The following APBB2 variants were observed in gnomAD, a reference collection of about 807,000 sequenced individuals.
The protein encoded by APBB2 is amyloid beta precursor protein binding family B member 2.
Under a neutral mutation model 82.5 loss-of-function variants are expected in APBB2, and 38 were observed. That is an observed-to-expected ratio of 0.46 (90% CI 0.36 to 0.60). The LOEUF is 0.60. APBB2 is among the 20% of genes least tolerant of loss of function. The pLI, the probability that APBB2 is intolerant of heterozygous loss-of-function variation, is 0.00. For synonymous variants in APBB2, 341 were observed against 368.2 expected, an observed-to-expected ratio of 0.93 and a Z score of 0.85; for missense variants, 772 against 972.3, an observed-to-expected ratio of 0.79 and a Z score of 2.74.
intron 1 of APBB2, among the ~76,000 whole-genome samples, chr4:41,196,481 T>C: frequency 1.3e-5 from 2 of 152,196 alleles, no homozygotes; most frequent in East Asian, 3.8e-4. Flanking sequence ...ATCACCATTT[T>C]GCTGTTTTTG....
chr4:40,937,653 T>C (rs1304249359), intron 7 of APBB2, among the ~76,000 whole-genome samples: 1 of 152,222 alleles, frequency 6.6e-6, no homozygotes, highest in Non-Finnish European at 1.5e-5. Flanking sequence ...GTGTTATGAC[T>C]GGGCCAAAGA....
At chr4:41,158,693 G>A (rs765299299) in intron 1 of APBB2, among the ~76,000 whole-genome samples, 44 of 152,202 alleles carry the variant, frequency 2.9e-4, no homozygotes, top group Non-Finnish European at 5.9e-4. Context: ...CAACCTGTAT[G>A]CTGCTGCCTG....
intron 2 of APBB2, among the ~76,000 whole-genome samples, chr4:41,106,037 GA>G (rs1441994882): frequency 2.6e-5 from 4 of 151,952 alleles, no homozygotes; most frequent in Admixed American, 6.6e-5. Context: ...ACCTTACACT[GA>G]CTCTGAAAAT....
intron 3 of APBB2, among the ~76,000 whole-genome samples, chr4:41,092,079 T>C (rs536253569): frequency 1.3e-5 from 2 of 152,314 alleles, no homozygotes; most frequent in East Asian, 3.9e-4. Flanking sequence ...GCCATCAAAA[T>C]CTAATTTGCC....
intron 2 of APBB2, among the ~76,000 whole-genome samples, chr4:41,116,303 G>A (rs1258145310): frequency 2.0e-5 from 3 of 152,130 alleles, no homozygotes; most frequent in South Asian, 2.1e-4. Context: ...ATCACACACC[G>A]GGGCCTGTCG....
chr4:41,092,510 G>A (rs1742083076), intron 3 of APBB2, among the ~76,000 whole-genome samples: 1 of 152,058 alleles, frequency 6.6e-6, no homozygotes, highest in African/African-American at 2.4e-5. Flanking sequence ...CCAACATAGT[G>A]AAACCTCGTC....
intron 6 of APBB2, among the ~76,000 whole-genome samples, chr4:40,952,788 T>C (rs1166233507): frequency 6.6e-6 from 1 of 152,160 alleles, no homozygotes; most frequent in African/African-American, 2.4e-5. Context: ...CCCGCTGGGA[T>C]GTTATAAAAG....
At chr4:40,950,822 G>A (rs1442724055) in intron 6 of APBB2, among the ~76,000 whole-genome samples, 1 of 151,178 alleles carries the variant, frequency 6.6e-6, no homozygotes, top group Non-Finnish European at 1.5e-5. Flanking sequence ...CAACTTGGGT[G>A]ACAGAGCAAG....
chr4:41,070,862 C>T (rs1733627733), intron 3 of APBB2, among the ~76,000 whole-genome samples: 1 of 152,112 alleles, frequency 6.6e-6, no homozygotes, highest in East Asian at 1.9e-4. Context: ...TAAATATACG[C>T]TATTCACTTG....
At chr4:40,833,387 GGT>G (rs1560641526) in intron 12 of APBB2, among the ~76,000 whole-genome samples, 2 of 152,128 alleles carry the variant, frequency 1.3e-5, no homozygotes. Context: ...CGCTCGTAGT[GGT>G]GTCTTCCCTC....
chr4:41,018,583 TCTG>T (rs1366086255), intron 5 of APBB2, among the ~76,000 whole-genome samples: 1 of 152,176 alleles, frequency 6.6e-6, no homozygotes, highest in Non-Finnish European at 1.5e-5. Flanking sequence ...ATGTGTATAT[TCTG>T]AGTGTGTGTG....
At chr4:41,030,882 G>C (rs532211122) in intron 5 of APBB2, among the ~76,000 whole-genome samples, 1 of 138,968 alleles carries the variant, frequency 7.2e-6, no homozygotes, top group Admixed American at 6.9e-5. Context: ...CTCCTGAGCT[G>C]AATCGTGAAG....
chr4:40,958,837 C>A (rs1268357366), intron 6 of APBB2, among the ~76,000 whole-genome samples: 1 of 152,214 alleles, frequency 6.6e-6, no homozygotes, highest in South Asian at 2.1e-4. Context: ...AACTCCTGAC[C>A]TCAAGTGATC....
chr4:41,133,924 G>T (rs1163516039), intron 2 of APBB2, among the ~76,000 whole-genome samples: 1 of 152,118 alleles, frequency 6.6e-6, no homozygotes, highest in Non-Finnish European at 1.5e-5. Flanking sequence ...CAAGTTCATG[G>T]AGTAGATGGC....
At chr4:41,196,045 G>A in intron 1 of APBB2, among the ~76,000 whole-genome samples, 2 of 151,962 alleles carry the variant, frequency 1.3e-5, no homozygotes, top group Admixed American at 6.5e-5. Flanking sequence ...TGTAGTCCCA[G>A]CTACTTGGGA....
At position 41,143,147 on chromosome 4, in the gene APBB2, G is replaced by T. The variant is rs932237827; in HGVS notation, c.-416-5C>A. ...CTCACCCACAGCAACTCCAACCTGG[G>T]GGGGCAAAGGCCAGAAGCCATTATA... On this transcript the variant is annotated splice_polypyrimidine_tract_variant and splice_region_variant and intron_variant, in intron 1 of 17. Coordinates refer to ENST00000508593, the MANE Select transcript of APBB2 (RefSeq NM_004307.2). 6.6e-6 allele frequency: 1 copy of T among 152,266 alleles called. No individual in the cohort carries two copies. The highest frequency in any genetic ancestry group is 6.5e-5 in the Admixed American group (1 of 15,276). 9.4% of individuals were successfully genotyped at this position (152,266 alleles called of 1,614,324 possible).
chr4:40,925,086 C>G lies in APBB2; in HGVS notation c.1254+9370G>C, dbSNP rs1782277073. ...CTTCTGGGAAACCACCCGAGCCACC[C>G]CTTTCAACCAGCCATGGAATATGCC... On this transcript the variant is annotated intron_variant, in intron 10 of 17. Coordinates refer to ENST00000508593, the MANE Select transcript of APBB2 (RefSeq NM_004307.2). Among the ~76,000 whole-genome samples, 4 of 152,294 alleles carry G rather than the reference C, an allele frequency of 2.6e-5. No individual in the cohort carries two copies. The South Asian group carries it at 8.3e-4, about 32-fold the overall frequency.
At chr4:40,882,260 A>C (rs1768845014) in intron 12 of APBB2, among the ~76,000 whole-genome samples, 2 of 152,198 alleles carry the variant, frequency 1.3e-5, no homozygotes, top group South Asian at 4.1e-4. Context: ...GGTTGAGGGA[A>C]CAGAGGAGAG....
intron 12 of APBB2, among the ~76,000 whole-genome samples, chr4:40,851,736 ATATT>A (rs1245916743): frequency 0.046 from 3,780 of 82,328 alleles, 43 homozygotes; most frequent in South Asian, 0.06. Flanking sequence ...ATATATATAT[ATATT>A]TTTTTTTTTT....
Sources: gnomAD v4.1 joint callset for allele counts (sites outside exome capture counted in the v4.1 genomes callset) on GRCh38, gnomAD v4.1.1 for gene constraint, MANE v1.5 for transcripts, NCBI Gene and HGNC (gene_info 2026-07-23, HGNC 2026-07-21) for gene names.